Variants in GRID1 observed in about 807,000 individuals in gnomAD.
GRID1 encodes the protein glutamate ionotropic receptor delta type subunit 1, also known as glutamate receptor ionotropic, delta-1.
Under a neutral mutation model 98.0 loss-of-function variants are expected in GRID1, and 28 were observed. The observed-to-expected ratio is 0.29, with a 90% confidence interval of 0.21 to 0.39. The LOEUF (loss-of-function observed/expected upper bound fraction) is 0.39, where lower values mean the gene tolerates loss of function less well. GRID1 is among the 10% of genes least tolerant of loss of function. GRID1 has a pLI of 1.00. For synonymous variants in GRID1, 553 were observed against 538.5 expected (o/e 1.03, Z -0.37); for missense variants, 1,111 against 1,340.5 (o/e 0.83, Z 2.67).
chr10:85,698,642 TTG>T (rs1343413525), intron 12 of GRID1, among the ~76,000 whole-genome samples: 3 of 152,234 alleles, frequency 2.0e-5, no homozygotes, highest in Non-Finnish European at 4.4e-5. Context: ...GTAAAGATTT[TTG>T]TGTGGGCATA....
chr10:85,872,946 C>T (rs928947428), intron 5 of GRID1, among the ~76,000 whole-genome samples: 5 of 152,240 alleles, frequency 3.3e-5, no homozygotes, highest in African/African-American at 1.2e-4. Flanking sequence ...TAACAAGCCA[C>T]AGAAGCAGCT....
intron 5 of GRID1, among the ~76,000 whole-genome samples, chr10:85,895,013 AAAAATAT>A (rs1564620722): frequency 7.9e-6 from 1 of 125,904 alleles, no homozygotes. Flanking sequence ...AAAAAAAAAA[AAAAATAT>A]ATATATATAT....
At chr10:85,913,598 T>A (rs2131822777) in intron 5 of GRID1, among the ~76,000 whole-genome samples, 1 of 152,272 alleles carries the variant, frequency 6.6e-6, no homozygotes, top group South Asian at 2.1e-4. Context: ...GAGGCCAGCC[T>A]GGCCAACATG....
chr10:86,215,596 G>A (rs1846166695), intron 2 of GRID1, among the ~76,000 whole-genome samples: 1 of 152,096 alleles, frequency 6.6e-6, no homozygotes, highest in Non-Finnish European at 1.5e-5. Context: ...TGCCTGCAGG[G>A]AGCGTCTTGG....
intron 3 of GRID1, among the ~76,000 whole-genome samples, chr10:86,183,702 G>A (rs767403031): frequency 2.2e-4 from 33 of 152,244 alleles, no homozygotes; most frequent in Admixed American, 4.6e-4. Flanking sequence ...CATTTTGGTT[G>A]TTTTCAGTTT....
chr10:86,183,654 C>T (rs1845689284), intron 3 of GRID1, among the ~76,000 whole-genome samples: 1 of 152,228 alleles, frequency 6.6e-6, no homozygotes, highest in Non-Finnish European at 1.5e-5. Context: ...CCACCACGCC[C>T]AGCCCAAAAT....
At chr10:85,617,230 C>A (rs1029603900) in intron 14 of GRID1, among the ~76,000 whole-genome samples, 2 of 144,750 alleles carry the variant, frequency 1.4e-5, no homozygotes, top group African/African-American at 5.0e-5. Context: ...ACAAAGCCCC[C>A]CCCCCCTTTT....
chr10:86,141,416 C>A (rs1392390715), intron 3 of GRID1, among the ~76,000 whole-genome samples: 1 of 152,220 alleles, frequency 6.6e-6, no homozygotes, highest in East Asian at 1.9e-4. Flanking sequence ...GGAGCCCCAA[C>A]CAGAAACACC....
chr10:85,848,434 T>A (rs1385255442), intron 8 of GRID1, among the ~76,000 whole-genome samples: 1 of 152,138 alleles, frequency 6.6e-6, no homozygotes. Context: ...TGCCTGTAAG[T>A]TGAGTAATGT....
intron 4 of GRID1, among the ~76,000 whole-genome samples, chr10:86,084,613 G>A (rs775254929): frequency 6.6e-6 from 1 of 152,186 alleles, no homozygotes; most frequent in Non-Finnish European, 1.5e-5. Flanking sequence ...ATTCACAATA[G>A]CTAAAACAAC....
At chr10:86,319,768 G>A (rs1847945403) in intron 2 of GRID1, among the ~76,000 whole-genome samples, 1 of 152,238 alleles carries the variant, frequency 6.6e-6, no homozygotes. Flanking sequence ...CACTGCTGAT[G>A]GCTTTCAGGA....
intron 2 of GRID1, among the ~76,000 whole-genome samples, chr10:86,237,953 A>G (rs763278119): frequency 6.6e-6 from 1 of 152,218 alleles, no homozygotes; most frequent in Non-Finnish European, 1.5e-5. Context: ...AGGCGGCATT[A>G]GTATAAAGAT....
intron 4 of GRID1, among the ~76,000 whole-genome samples, chr10:85,954,559 C>A (rs1842165682): frequency 6.6e-6 from 1 of 152,152 alleles, no homozygotes; most frequent in Admixed American, 6.5e-5. Flanking sequence ...TATAAAAGGG[C>A]CAAAGATAGA....
chr10:85,626,153 A>C (rs73338992), intron 13 of GRID1, among the ~76,000 whole-genome samples: 1 of 152,214 alleles, frequency 6.6e-6, no homozygotes. Flanking sequence ...CAAGGCCTTC[A>C]GAAACCTGAT....
chr10:86,220,536 C>A (rs1326425543), intron 2 of GRID1, among the ~76,000 whole-genome samples: 1 of 152,170 alleles, frequency 6.6e-6, no homozygotes, highest in Non-Finnish European at 1.5e-5. Context: ...AGCAGCCTGG[C>A]CAGGTTCAAA....
intron 2 of GRID1, among the ~76,000 whole-genome samples, chr10:86,245,899 C>A (rs1036396010): frequency 1.3e-5 from 2 of 152,224 alleles, no homozygotes; most frequent in Admixed American, 6.5e-5. Flanking sequence ...AAGAAGGAAC[C>A]CTCATGGTCC....
intron 4 of GRID1, among the ~76,000 whole-genome samples, chr10:85,981,972 G>A (rs1842549417): frequency 6.6e-6 from 1 of 152,172 alleles, no homozygotes; most frequent in South Asian, 2.1e-4. Context: ...GCACCAAGAA[G>A]GCAAGGAAAC....
At chr10:86,000,139 A>G (rs1024911289) in intron 4 of GRID1, among the ~76,000 whole-genome samples, 2 of 152,260 alleles carry the variant, frequency 1.3e-5, no homozygotes, top group African/African-American at 4.8e-5. Context: ...GCATGATACA[A>G]GATCATACAC....
chr10:85,896,722 C>T (rs1282777202), intron 5 of GRID1, among the ~76,000 whole-genome samples: 1 of 152,112 alleles, frequency 6.6e-6, no homozygotes, highest in African/African-American at 2.4e-5. Context: ...AAACAAATAA[C>T]AATTTATTAT....
Sources: allele counts gnomAD v4.1 joint callset (sites outside exome capture counted in the v4.1 genomes callset), GRCh38; gene constraint gnomAD v4.1.1; transcripts MANE v1.5; gene names NCBI Gene and HGNC (gene_info 2026-07-23, HGNC 2026-07-21).